Variants in NRG3 observed in about 807,000 individuals in gnomAD.
The protein encoded by NRG3 is neuregulin 3.
A neutral mutation model predicts 66.9 loss-of-function variants in NRG3; 31 were observed. The ratio of observed to expected loss-of-function variants is 0.46; its 90% CI spans 0.35 to 0.63. The LOEUF (loss-of-function observed/expected upper bound fraction) is 0.63, where lower values mean the gene tolerates loss of function less well. NRG3 is among the 20% of genes least tolerant of loss of function. The pLI is 0.00. For missense variants in NRG3, 910 were observed against 878.9 expected, an observed-to-expected ratio of 1.04 and a Z score of -0.45; for synonymous variants, 393 against 359.4, an observed-to-expected ratio of 1.09 and a Z score of -1.06.
At chr10:82,625,385 G>A (rs2049349705) in intron 2 of NRG3, among the ~76,000 whole-genome samples, 1 of 151,992 alleles carries the variant, frequency 6.6e-6, no homozygotes, top group African/African-American at 2.4e-5. Flanking sequence ...TAAATACACA[G>A]ATACTTTTTT....
intron 1 of NRG3, among the ~76,000 whole-genome samples, chr10:81,923,269 G>C (rs938471382): frequency 6.6e-6 from 1 of 151,780 alleles, no homozygotes; most frequent in African/African-American, 2.4e-5. Flanking sequence ...GCGGTGGCGC[G>C]ATCTCGGCTC....
intron 1 of NRG3, among the ~76,000 whole-genome samples, chr10:82,066,102 A>T (rs958416443): frequency 5.9e-5 from 9 of 152,152 alleles, no homozygotes; most frequent in Admixed American, 2.0e-4. Context: ...TAATTTAACC[A>T]TGTCTTTTAC....
At chr10:82,862,903 T>C (rs34704289) in intron 3 of NRG3, among the ~76,000 whole-genome samples, 14,776 of 152,246 alleles carry the variant, frequency 0.097, 795 homozygotes, top group South Asian at 0.17. Context: ...GCAGGTTTGT[T>C]ACATAGGTAT....
intron 2 of NRG3, among the ~76,000 whole-genome samples, chr10:82,394,005 T>C (rs1308349458): frequency 6.6e-6 from 1 of 152,188 alleles, no homozygotes; most frequent in Non-Finnish European, 1.5e-5. Context: ...ACCTACACAC[T>C]CCCATACAAA....
intron 2 of NRG3, among the ~76,000 whole-genome samples, chr10:82,678,111 T>G (rs758777359): frequency 2.0e-5 from 3 of 152,170 alleles, no homozygotes; most frequent in Admixed American, 1.3e-4. Flanking sequence ...CACACATAAC[T>G]CCTGAGATCT....
chr10:82,077,082 C>T (rs972084190), intron 1 of NRG3, among the ~76,000 whole-genome samples: 3 of 152,098 alleles, frequency 2.0e-5, no homozygotes, highest in African/African-American at 7.2e-5. Flanking sequence ...ATAACACAGC[C>T]ATTTATAATG....
rs113051766 is a variant in NRG3, at chr10:82,540,110, T to C, written c.953+181242T>C. Among the ~76,000 whole-genome samples the C allele has an allele frequency of 4.4e-3, 670 of 151,522 alleles. 5 individuals carry two copies. Among genetic ancestry groups the C allele is most frequent in the African/African-American group, 0.016 (646 of 41,506 alleles). ...ATTTTGAACTTGGCAGTAGGAGAAG[T>C]GGACTGCTGTTGCTGCTTTGTTTTT... On this transcript the variant is annotated intron_variant, in intron 2 of 8. Coordinates refer to ENST00000372141, the MANE Select transcript of NRG3 (RefSeq NM_001010848.4).
At chr10:82,300,199 A>T (rs1013422687) in intron 1 of NRG3, among the ~76,000 whole-genome samples, 15 of 151,920 alleles carry the variant, frequency 9.9e-5, no homozygotes, top group African/African-American at 3.4e-4. Flanking sequence ...CTGCTGAAAT[A>T]TTGATGGGTG....
intron 1 of NRG3, among the ~76,000 whole-genome samples, chr10:82,341,319 A>G (rs532395617): frequency 6.6e-6 from 1 of 152,264 alleles, no homozygotes; most frequent in African/African-American, 2.4e-5. Context: ...ACGGTTGGAA[A>G]TGCAGAATAT....
intron 1 of NRG3, among the ~76,000 whole-genome samples, chr10:81,892,997 C>T (rs115325799): frequency 3.2e-4 from 48 of 152,182 alleles, no homozygotes; most frequent in African/African-American, 1.0e-3. Flanking sequence ...CTCTGAGCTG[C>T]GACAGTCAGT....
chr10:82,472,403 TTTGA>T (rs1263100331), intron 2 of NRG3, among the ~76,000 whole-genome samples: 1 of 152,202 alleles, frequency 6.6e-6, no homozygotes. Context: ...TTCGGAGTCC[TTTGA>T]TTGGTGTTTT....
chr10:81,940,514 G>A (rs1258816545), intron 1 of NRG3, among the ~76,000 whole-genome samples: 1 of 151,742 alleles, frequency 6.6e-6, no homozygotes, highest in African/African-American at 2.4e-5. Context: ...CTCAGCTGAT[G>A]GTTTATTTTT....
intron 2 of NRG3, among the ~76,000 whole-genome samples, chr10:82,534,230 A>G (rs940149625): frequency 6.6e-6 from 1 of 151,940 alleles, no homozygotes; most frequent in Non-Finnish European, 1.5e-5. Flanking sequence ...TCAAAATCTC[A>G]GTGGTATTTT....
At chr10:82,645,184 C>T (rs1565160416) in intron 2 of NRG3, among the ~76,000 whole-genome samples, 1 of 152,078 alleles carries the variant, frequency 6.6e-6, no homozygotes, top group Non-Finnish European at 1.5e-5. Context: ...ACCAGATACC[C>T]TTGAAAATAT....
intron 1 of NRG3, among the ~76,000 whole-genome samples, chr10:82,290,638 A>ATT (rs10710319): frequency 2.1e-5 from 3 of 145,012 alleles, no homozygotes; most frequent in Non-Finnish European, 4.5e-5. Context: ...ACTTCAAATG[A>ATT]TTTTTTTTTT....
intron 1 of NRG3, among the ~76,000 whole-genome samples, chr10:81,964,347 G>C (rs2059645832): frequency 7.9e-6 from 1 of 127,272 alleles, no homozygotes; most frequent in Admixed American, 1.0e-4. Context: ...AGTGAGCCAA[G>C]ATTGCATCGC....
At chr10:82,819,188 T>C (rs2061843203) in intron 3 of NRG3, among the ~76,000 whole-genome samples, 2 of 152,226 alleles carry the variant, frequency 1.3e-5, no homozygotes, top group African/African-American at 4.8e-5. Flanking sequence ...CTCTTAAAAC[T>C]AGGTTAGCTA....
chr10:82,344,516 A>G (rs1477476151), intron 1 of NRG3, among the ~76,000 whole-genome samples: 5 of 146,922 alleles, frequency 3.4e-5, no homozygotes, highest in African/African-American at 1.4e-4. Flanking sequence ...TAATGCCGCA[A>G]TAAACATACG....
At chr10:82,435,080 T>A (rs1476993741) in intron 2 of NRG3, among the ~76,000 whole-genome samples, 1 of 152,130 alleles carries the variant, frequency 6.6e-6, no homozygotes, top group Non-Finnish European at 1.5e-5. Context: ...GTCCTAGGCT[T>A]TTTTTCGTTG....
Sources: gnomAD v4.1 joint callset for allele counts (sites outside exome capture counted in the v4.1 genomes callset) on GRCh38, gnomAD v4.1.1 for gene constraint, MANE v1.5 for transcripts, NCBI Gene and HGNC (gene_info 2026-07-23, HGNC 2026-07-21) for gene names.